The following LRRTM4 variants were observed in gnomAD, a reference collection of about 807,000 sequenced individuals.
LRRTM4 encodes the protein leucine-rich repeat transmembrane neuronal protein 4.
A neutral mutation model predicts 47.6 loss-of-function variants in LRRTM4; 25 were observed. That is an observed-to-expected ratio of 0.53 (90% CI 0.38 to 0.73). The LOEUF is 0.73. Among genes scored for constraint, LRRTM4 ranks in the 30% least tolerant of loss-of-function variants. The pLI is 0.00. For synonymous variants in LRRTM4, 311 were observed against 269.5 expected, an observed-to-expected ratio of 1.15 and a Z score of -1.51; for missense variants, 638 against 713.4, an observed-to-expected ratio of 0.89 and a Z score of 1.20.
intron 3 of LRRTM4, among the ~76,000 whole-genome samples, chr2:76,795,033 G>A (rs1403337765): frequency 6.6e-6 from 1 of 151,704 alleles, no homozygotes; most frequent in Non-Finnish European, 1.5e-5. Context: ...TGCAAATAAA[G>A]ATACTTCTGT....
At chr2:76,862,460 A>C (rs908564305) in intron 3 of LRRTM4, among the ~76,000 whole-genome samples, 2 of 151,870 alleles carry the variant, frequency 1.3e-5, no homozygotes, top group African/African-American at 4.8e-5. Context: ...GCCAGCTGTC[A>C]CTTCTGAGGT....
chr2:77,049,120 TTTTATATATA>T lies in LRRTM4; in HGVS notation c.1552-300214_1552-300205del, dbSNP rs1452693783. Among the ~76,000 whole-genome samples, 101 of 66,466 alleles carry T rather than the reference TTTTATATATA, an allele frequency of 1.5e-3. 1 individual carries two copies. The highest frequency in any genetic ancestry group is 0.011 in the South Asian group (21 of 1,976). The allele number at this position is 66,466 out of a possible 152,430, so 43.6% of individuals were successfully genotyped here. On this transcript the variant is annotated intron_variant, in intron 3 of 3. Transcript: ENST00000409884. ...TTTTTTGACTAAATAATATTTCATT[TTTTATATATA>T]TATATATATATATATATATATATAT...
chr2:77,237,106 T>C (rs1434212270), intron 3 of LRRTM4, among the ~76,000 whole-genome samples: 1 of 152,026 alleles, frequency 6.6e-6, no homozygotes, highest in Non-Finnish European at 1.5e-5. Flanking sequence ...ACAGTAGAAT[T>C]GGTACCAGTT....
At chr2:77,460,828 C>A (rs1396715233) in intron 3 of LRRTM4, among the ~76,000 whole-genome samples, 1 of 152,046 alleles carries the variant, frequency 6.6e-6, no homozygotes. Flanking sequence ...ATTGCTCTCA[C>A]CCCAGTTGAG....
At chr2:77,217,468 T>TAC (rs1553410781) in intron 3 of LRRTM4, among the ~76,000 whole-genome samples, 14 of 134,228 alleles carry the variant, frequency 1.0e-4, no homozygotes, top group South Asian at 4.6e-4. Flanking sequence ...TATATATATA[T>TAC]ACTAAGCCTT....
In LRRTM4 at chr2:76,815,582, TGTA is replaced by T. The variant is rs778218764; in HGVS notation, c.1552-66669_1552-66667del. Among the ~76,000 whole-genome samples the T allele has an allele frequency of 1.6e-4, 24 of 152,164 alleles. No homozygotes were observed. In the East Asian group the frequency reaches 1.7e-3, roughly 11 times the overall value. ...TAGTAATCAAAGGCAAAGTCATAGT[TGTA>T]GTAATAATAATACAAGCTTTTATTA... On this transcript the variant is annotated intron_variant, in intron 3 of 3. Transcript: ENST00000409884.
intron 3 of LRRTM4, among the ~76,000 whole-genome samples, chr2:76,885,856 C>T (rs1673060574): frequency 6.6e-6 from 1 of 152,014 alleles, no homozygotes; most frequent in African/African-American, 2.4e-5. Flanking sequence ...CTAATAAATG[C>T]TACTTTTGTA....
intron 3 of LRRTM4, among the ~76,000 whole-genome samples, chr2:77,482,445 C>CAT (rs1677743605): frequency 2.8e-5 from 1 of 35,374 alleles, no homozygotes; most frequent in African/African-American, 1.1e-4. Flanking sequence ...TTTTTAAACA[C>CAT]ACACACACAC....
At chr2:77,283,290 C>A (rs1456879885) in intron 3 of LRRTM4, among the ~76,000 whole-genome samples, 2 of 151,950 alleles carry the variant, frequency 1.3e-5, no homozygotes, top group Admixed American at 6.6e-5. Context: ...CGTCTCATAC[C>A]AGTCAGAATG....
intron 3 of LRRTM4, among the ~76,000 whole-genome samples, chr2:76,990,740 T>C (rs12233066): frequency 0.09 from 13,650 of 151,472 alleles, 1,461 homozygotes; most frequent in African/African-American, 0.25. Context: ...AGGCAGATCA[T>C]TGAGGCAGAA....
chr2:77,108,477 T>C (rs1484756125), intron 3 of LRRTM4, among the ~76,000 whole-genome samples: 1 of 151,948 alleles, frequency 6.6e-6, no homozygotes, highest in East Asian at 1.9e-4. Context: ...GCAAAAACTA[T>C]AGAATATATA....
At chr2:76,968,340 G>GTATATATATATATATATATATA (rs61103340) in intron 3 of LRRTM4, among the ~76,000 whole-genome samples, 1 of 76,644 alleles carries the variant, frequency 1.3e-5, no homozygotes, top group Non-Finnish European at 2.6e-5. Context: ...GTGTATGTGT[G>GTATATATATATATATATATATA]TATATATATA....
chr2:77,367,109 G>A (rs1672489045), intron 3 of LRRTM4, among the ~76,000 whole-genome samples: 1 of 151,654 alleles, frequency 6.6e-6, no homozygotes, highest in Non-Finnish European at 1.5e-5. Flanking sequence ...ATTAGAGCCT[G>A]AATGTATTGA....
At position 76,812,691 on chromosome 2, in the gene LRRTM4, CTTTCTTTTCTTTCTTTA is replaced by C. The variant is rs1485222807; in HGVS notation, c.1552-63792_1552-63776del. ...AAATAAGCTCTTTCTTTCTTTCTTTCTTTCTTTTCTTTCTTTATTTCTTTTTCTTTCTCTTTTTCTCC... is the reference window on the plus strand; with the variant it reads ...AAATAAGCTCTTTCTTTCTTTCTTTCTTTCTTTTTCTTTCTCTTTTTCTCC... On this transcript the variant is annotated intron_variant, in intron 3 of 3. Coordinates refer to ENST00000409884, the MANE Select transcript of LRRTM4 (RefSeq NM_001134745.3). 2.7e-5 allele frequency among the ~76,000 whole-genome samples: 4 copies of C among 149,372 alleles called. No individual in the cohort carries two copies. The East Asian group carries it at 6.0e-4, about 22-fold the overall frequency.
intron 3 of LRRTM4, among the ~76,000 whole-genome samples, chr2:77,492,081 T>C (rs1225073619): frequency 1.3e-5 from 2 of 152,122 alleles, no homozygotes; most frequent in Non-Finnish European, 2.9e-5. Flanking sequence ...TATATGTAAA[T>C]ATATTTTATG....
intron 3 of LRRTM4, among the ~76,000 whole-genome samples, chr2:77,015,784 C>A (rs1389118508): frequency 6.6e-6 from 1 of 152,098 alleles, no homozygotes; most frequent in African/African-American, 2.4e-5. Context: ...TGAGGACTTG[C>A]CGCCATGCTT....
chr2:77,354,861 C>A (rs1248916622), intron 3 of LRRTM4, among the ~76,000 whole-genome samples: 1 of 152,174 alleles, frequency 6.6e-6, no homozygotes, highest in East Asian at 1.9e-4. Flanking sequence ...AGATCCACAG[C>A]ACCCTGGGTG....
intron 3 of LRRTM4, among the ~76,000 whole-genome samples, chr2:77,129,259 G>A (rs1295532129): frequency 6.6e-6 from 1 of 152,174 alleles, no homozygotes; most frequent in Non-Finnish European, 1.5e-5. Flanking sequence ...CCTAATGAAA[G>A]TGACTATTAG....
intron 3 of LRRTM4, among the ~76,000 whole-genome samples, chr2:76,812,105 AAAGC>A (rs1670751744): frequency 1.3e-5 from 2 of 152,172 alleles, no homozygotes; most frequent in African/African-American, 4.8e-5. Flanking sequence ...TGAACTTCAT[AAAGC>A]ACTAAGAAAA....
Sources: gnomAD v4.1 joint callset for allele counts (sites outside exome capture counted in the v4.1 genomes callset) on GRCh38, gnomAD v4.1.1 for gene constraint, MANE v1.5 for transcripts, NCBI Gene and HGNC (gene_info 2026-07-23, HGNC 2026-07-21) for gene names.